The following TRIP12 variants were observed in gnomAD, a reference collection of about 807,000 sequenced individuals.
The protein encoded by TRIP12 is thyroid hormone receptor interactor 12.
In TRIP12, 25 loss-of-function variants were observed where a neutral mutation model predicts 244.2. The observed-to-expected ratio is 0.10, with a 90% CI of 0.07 to 0.14. The LOEUF is 0.14. Among genes scored for constraint, TRIP12 ranks in the 10% least tolerant of loss-of-function variants. The pLI is 1.00. For synonymous variants in TRIP12, 905 were observed against 873.1 expected, an observed-to-expected ratio of 1.04 and a Z score of -0.64; for missense variants, 1,677 against 2,486.4, an observed-to-expected ratio of 0.67 and a Z score of 6.92.
At chr2:229,797,947 T>TAA in intron 23 of TRIP12, 116 bp from the exon 24 acceptor site, 1 of 1,068,228 alleles carries the variant, frequency 9.4e-7, no homozygotes, top group Admixed American at 2.9e-5. Context: ...GCTTACAGTT[T>TAA]AAAAACTCCA....
chr2:229,825,408 T>C (rs1452694756), intron 8 of TRIP12, among the ~76,000 whole-genome samples: 1 of 152,160 alleles, frequency 6.6e-6, no homozygotes, highest in Non-Finnish European at 1.5e-5. Flanking sequence ...CAATTTCAGG[T>C]ATGGGGAGTG....
At chr2:229,825,118 TTAA>T (rs1475074611) in intron 8 of TRIP12, among the ~76,000 whole-genome samples, 2 of 152,310 alleles carry the variant, frequency 1.3e-5, no homozygotes, top group African/African-American at 2.4e-5. Context: ...TTTAACTTTT[TTAA>T]TAATAATACT....
rs544303020 is a variant in TRIP12, at chr2:229,792,483, C to T, written c.4142-257G>A. On this transcript the variant is annotated intron_variant, in intron 27 of 41. Transcript: ENST00000675903. ...ATTCATTTATATCTCATATACATGG[C>T]GTGAAGGTAATGATATACAGTATTT... 3.9e-5 allele frequency among the ~76,000 whole-genome samples: 6 copies of T among 152,116 alleles called. No individual in the cohort carries two copies. The South Asian group carries it at 1.0e-3, about 26-fold the overall frequency.
Position 229,802,393 on chromosome 2 carries a change from C to T in TRIP12, c.3065G>A (p.Cys1022Tyr). 1.2e-6 allele frequency: 2 copies of T among 1,614,070 alleles called. No individual in the cohort carries two copies. The highest frequency in any genetic ancestry group is 1.7e-6 in the Non-Finnish European group (2 of 1,179,990). ...TCCCATGGATCCCGATCCATTCGTA[C>T]ATGCCTTTGGTGGACTTGTCAACAA... ...ESLLTSPPKA[C>Y]TNGSGSMGST... Residue 1022 changes from cysteine (C) to tyrosine (Y), a missense_variant, in exon 21 of 42, where the codon TGT (cysteine) becomes TAT (tyrosine). Coordinates refer to ENST00000675903, the MANE Select transcript of TRIP12 (RefSeq NM_001348323.3).
chr2:229,785,895 CCAT>C, intron 33 of TRIP12, 40 bp from the exon 34 acceptor site: 8 of 1,527,314 alleles, frequency 5.2e-6, no homozygotes, highest in Non-Finnish European at 7.1e-6. Flanking sequence ...TATGCTCTAC[CCAT>C]ATTACACTTT....
intron 39 of TRIP12, among the ~76,000 whole-genome samples, chr2:229,770,979 G>A (rs1023951496): frequency 6.6e-6 from 1 of 152,116 alleles, no homozygotes; most frequent in African/African-American, 2.4e-5. Context: ...GTCTTTATCA[G>A]CAGCATGAAA....
At chr2:229,809,289 T>G (rs928900177) in intron 15 of TRIP12, among the ~76,000 whole-genome samples, 1 of 152,124 alleles carries the variant, frequency 6.6e-6, no homozygotes, top group African/African-American at 2.4e-5. Flanking sequence ...CATGGTATGC[T>G]GCATTATAAG....
chr2:229,852,328 T>C (rs1311636227), intron 4 of TRIP12, among the ~76,000 whole-genome samples: 2 of 152,210 alleles, frequency 1.3e-5, no homozygotes, highest in East Asian at 1.9e-4. Context: ...TATAATTCTA[T>C]ACCATCATCA....
chr2:229,827,515 G>C (rs2052033779), intron 8 of TRIP12, among the ~76,000 whole-genome samples: 1 of 151,838 alleles, frequency 6.6e-6, no homozygotes, highest in African/African-American at 2.4e-5. Context: ...AAAACACTCA[G>C]ACACAAACAC....
chr2:229,903,017 T>TTTA (rs769011190), intron 1 of TRIP12, among the ~76,000 whole-genome samples: 1 of 78,946 alleles, frequency 1.3e-5, no homozygotes, highest in African/African-American at 5.5e-5. Context: ...TTTCTTTTTT[T>TTTA]CTTTTTTTTT....
chr2:229,888,392 T>A (rs1448355584), intron 1 of TRIP12, among the ~76,000 whole-genome samples: 2 of 151,420 alleles, frequency 1.3e-5, no homozygotes, highest in Non-Finnish European at 2.9e-5. Context: ...ACAGACAGCA[T>A]AAAGAGAGGA....
At chr2:229,834,324 G>A (rs948547281) in intron 6 of TRIP12, among the ~76,000 whole-genome samples, 6 of 152,168 alleles carry the variant, frequency 3.9e-5, no homozygotes, top group Admixed American at 2.0e-4. Flanking sequence ...AAACTATAAA[G>A]CTACCCAATG....
intron 34 of TRIP12, among the ~76,000 whole-genome samples, chr2:229,784,291 T>C (rs2039306219): frequency 6.6e-6 from 1 of 151,196 alleles, no homozygotes; most frequent in Admixed American, 6.6e-5. Flanking sequence ...GGTAATTAAA[T>C]AGGAAAAAGA....
Position 229,769,642 on chromosome 2 carries a change from T to G in TRIP12, c.5809-317A>C, listed in dbSNP as rs140170060. 2.6e-5 allele frequency among the ~76,000 whole-genome samples: 4 copies of G among 152,240 alleles called. No homozygotes were observed. The East Asian group carries it at 7.7e-4, about 29-fold the overall frequency. On this transcript the variant is annotated intron_variant, in intron 39 of 41. Transcript: ENST00000675903. Reference sequence around the variant, plus strand: ...CCTTTCTTCTCATTACTTTAGGTGCTTTAAATGGATAATCTGCTTCTAGTC... The same window carrying G: ...CCTTTCTTCTCATTACTTTAGGTGCGTTAAATGGATAATCTGCTTCTAGTC...
intron 1 of TRIP12, among the ~76,000 whole-genome samples, chr2:229,886,747 A>T (rs1219792844): frequency 2.0e-5 from 3 of 152,208 alleles, no homozygotes; most frequent in African/African-American, 7.2e-5. Flanking sequence ...GATTACAGGC[A>T]TGAGCCACTG....
chr2:229,804,390 C>T (rs1359889761), intron 18 of TRIP12, among the ~76,000 whole-genome samples, 163 bp from the exon 19 acceptor site: 1 of 152,148 alleles, frequency 6.6e-6, no homozygotes, highest in African/African-American at 2.4e-5. Context: ...CTAGGATTTA[C>T]AAAGATGCTA....
rs1439587611 is a variant in TRIP12 at position 229,764,543 on chromosome 2, T to C, written c.*3011A>G. On this transcript the variant is annotated 3_prime_UTR_variant, in exon 42 of 42. Transcript: ENST00000675903. ...TTTTTTGGAATAGACTCCACTCTCATTTCCTGAGCTCACGCTCACAGACAG... is the reference window on the plus strand; with the variant it reads ...TTTTTTGGAATAGACTCCACTCTCACTTCCTGAGCTCACGCTCACAGACAG... The C allele has an allele frequency of 6.6e-6, 1 of 152,238 alleles. No homozygotes were observed. Among genetic ancestry groups the C allele is most frequent in the African/African-American group, 2.4e-5 (1 of 41,474 alleles). 9.4% of individuals were successfully genotyped at this position (152,238 alleles called of 1,614,324 possible).
At chr2:229,843,433 C>T (rs1458089723) in intron 4 of TRIP12, among the ~76,000 whole-genome samples, 1 of 152,090 alleles carries the variant, frequency 6.6e-6, no homozygotes, top group African/African-American at 2.4e-5. Context: ...AACAAACAAA[C>T]AAACAAAAAC....
chr2:229,796,343 G>A (rs1285620818), intron 25 of TRIP12, among the ~76,000 whole-genome samples: 1 of 152,120 alleles, frequency 6.6e-6, no homozygotes, highest in Non-Finnish European at 1.5e-5. Flanking sequence ...GGCTCATCCT[G>A]CAAGCAAAAA....
Sources: gnomAD v4.1 joint callset for allele counts (sites outside exome capture counted in the v4.1 genomes callset) on GRCh38, gnomAD v4.1.1 for gene constraint, MANE v1.5 for transcripts, NCBI Gene and HGNC (gene_info 2026-07-23, HGNC 2026-07-21) for gene names.